The following ASH1L variants were observed in gnomAD, a reference collection of about 807,000 sequenced individuals.
ASH1L encodes ASH1 like histone lysine methyltransferase.
ASH1L carries 23 observed loss-of-function variants against 269.0 expected under a neutral mutation model. The observed-to-expected ratio is 0.09, with a 90% CI of 0.06 to 0.12. ASH1L has a LOEUF of 0.12. ASH1L is among the 10% of genes least tolerant of loss of function. The pLI is 1.00. For synonymous variants in ASH1L, 1,187 were observed against 1,253.5 expected (o/e 0.95, Z 1.12); for missense variants, 2,912 against 3,567.8 (o/e 0.82, Z 4.68).
intron 1 of ASH1L, among the ~76,000 whole-genome samples, chr1:155,550,204 G>C (rs1255344169): frequency 6.6e-6 from 1 of 152,068 alleles, no homozygotes; most frequent in Non-Finnish European, 1.5e-5. Flanking sequence ...CTTTTTAGTA[G>C]AGATGGGGTT....
chr1:155,468,947 A>G (rs1664891439), intron 3 of ASH1L, among the ~76,000 whole-genome samples: 2 of 152,210 alleles, frequency 1.3e-5, no homozygotes, highest in Non-Finnish European at 2.9e-5. Context: ...CAAATAATAA[A>G]CCAGTCAGAA....
chr1:155,428,080 T>C (rs2148585670), intron 5 of ASH1L, among the ~76,000 whole-genome samples: 1 of 152,282 alleles, frequency 6.6e-6, no homozygotes. Flanking sequence ...ATGAACGAAT[T>C]AAACCTCTTT....
At chr1:155,552,781 T>C (rs11264381) in intron 1 of ASH1L, among the ~76,000 whole-genome samples, 37,004 of 152,130 alleles carry the variant, frequency 0.24, 5,564 homozygotes, top group East Asian at 0.72. Flanking sequence ...AATAAGGACA[T>C]TGCTTATATA....
intron 4 of ASH1L, among the ~76,000 whole-genome samples, chr1:155,439,692 A>ATT (rs1662389238): frequency 6.6e-6 from 1 of 152,084 alleles, no homozygotes; most frequent in Non-Finnish European, 1.5e-5. Flanking sequence ...CTGTCTCAAA[A>ATT]AATACTAATA....
Position 155,352,745 on chromosome 1 carries a change from T to C in ASH1L, c.7327A>G (p.Ile2443Val). The C allele has an allele frequency of 6.2e-7, 1 of 1,613,098 alleles. No individual in the cohort carries two copies. Among genetic ancestry groups the C allele is most frequent in the Non-Finnish European group, 8.5e-7 (1 of 1,179,692 alleles). Residue 2443 changes from isoleucine to valine, a missense_variant, in exon 17 of 28, where the codon ATC becomes GTC. Ile to Val is a conservative substitution (Grantham distance 29). Around this residue, in one of 13 missense-constraint regions of ASH1L, gnomAD observed 309 missense variants for 435.1 expected, o/e 0.71. Transcript: ENST00000392403. ...ATACCATCACAAATTTCTTTGAAGA[T>C]CTGGGCTAGGCGGGCTGCCCGAGCC... ...EVARAARLAQ[I>V]FKEICDGIIS...
intron 6 of ASH1L, among the ~76,000 whole-genome samples, chr1:155,409,739 T>C: frequency 6.6e-6 from 1 of 152,178 alleles, no homozygotes; most frequent in East Asian, 1.9e-4. Flanking sequence ...ATGTTGAGAT[T>C]ACAGGCATAA....
intron 6 of ASH1L, among the ~76,000 whole-genome samples, chr1:155,406,549 T>A (rs1041005154): frequency 6.6e-6 from 1 of 151,954 alleles, no homozygotes; most frequent in African/African-American, 2.4e-5. Context: ...ACAAAAAATT[T>A]AAAAAATAGC....
intron 4 of ASH1L, among the ~76,000 whole-genome samples, chr1:155,457,351 C>T (rs1663935600): frequency 6.6e-6 from 1 of 152,196 alleles, no homozygotes; most frequent in Non-Finnish European, 1.5e-5. Flanking sequence ...TTTACAACCT[C>T]CTTTTCCAAC....
chr1:155,533,705 G>A (rs1465307711), intron 1 of ASH1L, among the ~76,000 whole-genome samples: 2 of 147,568 alleles, frequency 1.4e-5, no homozygotes, highest in African/African-American at 2.5e-5. Context: ...ATGACAGAGC[G>A]AGACTCCGTC....
At chr1:155,365,938 G>A (rs895987320) in intron 12 of ASH1L, among the ~76,000 whole-genome samples, 1 of 151,838 alleles carries the variant, frequency 6.6e-6, no homozygotes, top group African/African-American at 2.4e-5. Context: ...CTTCATCCCT[G>A]TTTACCCCTA....
In ASH1L at chr1:155,343,366, C is replaced by T. The variant is rs1482638875; in HGVS notation, c.8241G>A (p.Leu2747=). The T allele has an allele frequency of 2.5e-6, 4 of 1,614,146 alleles. No homozygotes were observed. In the South Asian group the frequency reaches 4.4e-5, roughly 18 times the overall value. ...CACAGCAGGTCCCCACTACAGCCTC[C>T]AAGGGAATGATCTCATAGAGTGGCA... The part of the protein sequence containing the change: ...FRVPLYEIIP[L]EAVVGTCCVL... The change falls in exon 24 of 28, where the codon TTG becomes TTA. Residue 2747 remains leucine (L), a synonymous_variant. Transcript: ENST00000392403. This position sits in a 1 kb window ranked among gnomAD's most constrained non-coding sequence, Gnocchi z 6.1.
intron 2 of ASH1L, among the ~76,000 whole-genome samples, chr1:155,489,029 T>A (rs1666557302): frequency 1.3e-5 from 2 of 152,196 alleles, no homozygotes; most frequent in Non-Finnish European, 2.9e-5. Flanking sequence ...CAACAATGCT[T>A]GCTGTTTTGT....
chr1:155,361,187 G>A (rs1654907745), intron 12 of ASH1L, among the ~76,000 whole-genome samples: 2 of 152,092 alleles, frequency 1.3e-5, no homozygotes, highest in African/African-American at 4.8e-5. Flanking sequence ...TTCAAGACCA[G>A]CCAGGCCAAC....
intron 5 of ASH1L, among the ~76,000 whole-genome samples, chr1:155,437,872 T>C (rs1310839940): frequency 6.6e-6 from 1 of 152,216 alleles, no homozygotes; most frequent in South Asian, 2.1e-4. Flanking sequence ...TGTTTGTTTT[T>C]GAGACAGGGT....
chr1:155,363,507 G>C (rs111607007), intron 12 of ASH1L, among the ~76,000 whole-genome samples: 278 of 151,816 alleles, frequency 1.8e-3, no homozygotes, highest in African/African-American at 6.5e-3. Context: ...GCCTCCCAAA[G>C]TGCTGCGATT....
intron 4 of ASH1L, 108 bp downstream of exon 4, chr1:155,459,689 C>T (rs1362542198): frequency 1.5e-5 from 12 of 819,650 alleles, no homozygotes; most frequent in Non-Finnish European, 2.3e-5. Flanking sequence ...AATAAAATAC[C>T]ATATATGATA....
intron 1 of ASH1L, among the ~76,000 whole-genome samples, chr1:155,521,923 T>C (rs1187414539): frequency 6.6e-6 from 1 of 152,182 alleles, no homozygotes; most frequent in Non-Finnish European, 1.5e-5. Flanking sequence ...AAAATCAAAA[T>C]AACTTTCATA....
chr1:155,459,646 C>G (rs1011876406), intron 4 of ASH1L, 151 bp downstream of exon 4: 1 of 629,940 alleles, frequency 1.6e-6, no homozygotes, highest in Non-Finnish European at 2.7e-6. Context: ...TCTCAAATAC[C>G]AAGTCTATTG....
chr1:155,361,245 A>G (rs1654911792), intron 12 of ASH1L, among the ~76,000 whole-genome samples: 1 of 151,732 alleles, frequency 6.6e-6, no homozygotes, highest in Non-Finnish European at 1.5e-5. Flanking sequence ...AAGGCCGGGT[A>G]TGGTGGCTCA....
Sources: allele counts gnomAD v4.1 joint callset (sites outside exome capture counted in the v4.1 genomes callset), GRCh38; gene constraint gnomAD v4.1.1; regional missense constraint gnomAD v4.1.1; non-coding constraint Gnocchi (gnomAD v3.1); transcripts MANE v1.5; gene names NCBI Gene and HGNC (gene_info 2026-07-23, HGNC 2026-07-21).